GSDMA: variants seen among roughly 807,000 people sequenced by gnomAD.
GSDMA encodes the protein gasdermin A, also known as gasdermin-A.
In GSDMA, 55 loss-of-function variants were observed where a neutral mutation model predicts 54.3. The observed-to-expected ratio is 1.01, with a 90% CI of 0.82 to 1.27. The LOEUF (loss-of-function observed/expected upper bound fraction) is 1.27, where lower values mean the gene tolerates loss of function less well. GSDMA is among the 50% of genes most tolerant of loss of function. The probability of loss-of-function intolerance (pLI) is 0.00; values close to 1 mark genes in which losing one functional copy is unlikely to be tolerated. For synonymous variants in GSDMA, 211 were observed against 224.7 expected, an observed-to-expected ratio of 0.94 and a Z score of 0.54; for missense variants, 542 against 542.6, an observed-to-expected ratio of 1.00 and a Z score of 0.01.
At chr17:39,971,079 A>T (rs1979918021) in intron 4 of GSDMA, among the ~76,000 whole-genome samples, 1 of 152,248 alleles carries the variant, frequency 6.6e-6, no homozygotes, top group Admixed American at 6.5e-5. Context: ...TATCTATTGC[A>T]TCTAAATATT....
chr17:39,964,313 A>G (rs1015381802), intron 1 of GSDMA, among the ~76,000 whole-genome samples: 2 of 152,144 alleles, frequency 1.3e-5, no homozygotes, highest in African/African-American at 4.8e-5. Context: ...TCACACCTGT[A>G]ATCACAGTAC....
Position 39,972,134 on chromosome 17 carries a change from C to G in GSDMA, c.661C>G (p.Pro221Ala), listed in dbSNP as rs1330278282. ...CCCTCCCTTGCCCTTCACAGATATT[C>G]CACATATCTGCAATGATAACATGCA... ...MVKGKDEWDI[P>A]HICNDNMQTF... Residue 221 changes from proline (P) to alanine (A), a missense_variant, in exon 6 of 12, where the codon CCA (proline) becomes GCA (alanine). Pro to Ala is a conservative substitution (Grantham distance 27, BLOSUM62 -1). Transcript: ENST00000301659. The G allele has an allele frequency of 1.2e-5, 10 of 827,296 alleles. No individual in the cohort carries two copies. Among genetic ancestry groups the G allele is most frequent in the Non-Finnish European group, 1.6e-5 (9 of 549,662 alleles). 51.2% of individuals were successfully genotyped at this position (827,296 alleles called of 1,614,324 possible). A position where few individuals can be genotyped will look rare whatever the true frequency, so the allele number is the denominator to read the frequency against.
Position 39,972,155 on chromosome 17 carries a change from A to G in GSDMA, c.682A>G (p.Met228Val), listed in dbSNP as rs1439455833. 10 of 1,599,058 alleles carry G rather than the reference A, an allele frequency of 6.3e-6. No homozygotes were observed. The East Asian group carries it at 2.2e-4, about 36-fold the overall frequency. ...WDIPHICNDN[M>V]QTFPPGEKSG... ...TATTCCACATATCTGCAATGATAAC[A>G]TGCAAACCTTCCCTCCTGGAGGTAA... is the stretch of plus-strand genomic sequence containing the variant. Residue 228 changes from methionine (M) to valine (V), a missense_variant, in exon 6 of 12, where the codon ATG (methionine) becomes GTG (valine). Met to Val is a conservative substitution (Grantham distance 21, BLOSUM62 1). Coordinates refer to ENST00000301659, the MANE Select transcript of GSDMA (RefSeq NM_178171.5).
rs1979670764 is a variant in GSDMA, at chr17:39,966,432, G to C, written c.387G>C (p.Gln129His). ...SVAPKALETVQERKLAADHPF... is the reference protein window; with the variant it reads ...SVAPKALETVHERKLAADHPF... ...CTCCCAAGGCCCTGGAGACCGTGCA[G>C]GAGAGGTGAGAGTGGGCGGGACTGA... The change falls in exon 3 of 12, where the codon CAG becomes CAC. Residue 129 changes from glutamine (Q) to histidine (H), a missense_variant. Gln to His is a conservative substitution (Grantham distance 24, BLOSUM62 0). Coordinates refer to ENST00000301659, the MANE Select transcript of GSDMA (RefSeq NM_178171.5). The C allele has an allele frequency of 6.2e-7, 1 of 1,602,146 alleles. No individual in the cohort carries two copies. The highest frequency in any genetic ancestry group is 8.5e-7 in the Non-Finnish European group (1 of 1,175,352).
chr17:39,974,918 A>G lies in GSDMA; in HGVS notation c.925A>G (p.Lys309Glu). Residue 309 changes from lysine (K) to glutamate (E), a missense_variant, in exon 10 of 12, where the codon AAG becomes GAG. Lys to Glu is a moderately conservative substitution (Grantham distance 56). Coordinates refer to ENST00000301659, the MANE Select transcript of GSDMA (RefSeq NM_178171.5). ...CCCACAGCTTGAAGGGGCTCTAGACAAGGGACATGAAGTGACCCTGGAGGC... is the reference window on the plus strand; with the variant it reads ...CCCACAGCTTGAAGGGGCTCTAGACGAGGGACATGAAGTGACCCTGGAGGC... Reference protein sequence around the residue: ...LELALEGALDKGHEVTLEALP... With the variant: ...LELALEGALDEGHEVTLEALP... The G allele has an allele frequency of 6.2e-7, 1 of 1,608,488 alleles. No individual in the cohort carries two copies. Among genetic ancestry groups the G allele is most frequent in the Non-Finnish European group, 8.5e-7 (1 of 1,176,442 alleles).
At chr17:39,970,785 C>G in intron 4 of GSDMA, 138 bp downstream of exon 4, 1 of 590,394 alleles carries the variant, frequency 1.7e-6, no homozygotes, top group Non-Finnish European at 2.4e-6. Context: ...CTGAAAAGGG[C>G]CACTCCTTCC....
At position 39,974,295 on chromosome 17, in the gene GSDMA, G is replaced by C; in HGVS notation, c.774G>C (p.Arg258Ser). 6 of 1,611,526 alleles carry C rather than the reference G, an allele frequency of 3.7e-6. No individual in the cohort carries two copies. Among genetic ancestry groups the C allele is most frequent in the Non-Finnish European group, 5.1e-6 (6 of 1,178,962 alleles). ...SDVGDVHEGFRTLKEEVQRET... is the reference protein window; with the variant it reads ...SDVGDVHEGFSTLKEEVQRET... The stretch of plus-strand genomic sequence containing the variant: ...TAGGGGACGTACACGAAGGCTTCAG[G>C]ACACTAAAAGAAGAAGTTCAGAGAG... Residue 258 changes from arginine to serine, a missense_variant, in exon 9 of 12, where the codon AGG (arginine) becomes AGC (serine). By Grantham distance (110) the Arg-to-Ser change is moderately radical. Coordinates refer to ENST00000301659, the MANE Select transcript of GSDMA (RefSeq NM_178171.5).
In GSDMA at chr17:39,971,959, C is replaced by T. The variant is rs1304621127; in HGVS notation, c.656-170C>T. Among the ~76,000 whole-genome samples, 3 of 152,130 alleles carry T rather than the reference C, an allele frequency of 2.0e-5. No homozygotes were observed. The South Asian group carries it at 6.2e-4, about 32-fold the overall frequency. Reference sequence around the variant, plus strand: ...AGTGTTCTCATAGTAGAGAATTTATCAAGGAAGAAAAGATTGCTTCCAGCA... The same window carrying T: ...AGTGTTCTCATAGTAGAGAATTTATTAAGGAAGAAAAGATTGCTTCCAGCA... On this transcript the variant is annotated intron_variant, in intron 5 of 11. Coordinates refer to ENST00000301659, the MANE Select transcript of GSDMA (RefSeq NM_178171.5).
chr17:39,974,526 G>A lies in GSDMA; in HGVS notation c.906+99G>A, dbSNP rs969945527. On this transcript the variant is annotated intron_variant, in intron 9 of 11. Transcript: ENST00000301659. ...GCAGCAGGTAGGGAGATCTGACGGG[G>A]GCAGGAGGTGGGTGGCCAGGGGAGT... The A allele has an allele frequency of 1.3e-5, 17 of 1,341,356 alleles. No homozygotes were observed. In the African/African-American group the frequency reaches 2.2e-4, roughly 17 times the overall value. 83.1% of individuals were successfully genotyped at this position (1,341,356 alleles called of 1,614,324 possible).
chr17:39,966,571 T>G, intron 3 of GSDMA, 134 bp downstream of exon 3: 3 of 770,624 alleles, frequency 3.9e-6, no homozygotes, highest in Middle Eastern at 3.9e-4. Flanking sequence ...AGGGGAGCTC[T>G]TGGAGGCAAC....
At chr17:39,974,828 T>C (rs1980126740) in intron 9 of GSDMA, 72 bp from the exon 10 acceptor site, 3 of 798,990 alleles carry the variant, frequency 3.8e-6, no homozygotes, top group African/African-American at 1.7e-5. Context: ...TGTCAAGGGG[T>C]TATTATGTGC....
chr17:39,972,436 A>G, intron 6 of GSDMA, 151 bp from the exon 7 acceptor site: 1 of 750,184 alleles, frequency 1.3e-6, no homozygotes. Flanking sequence ...TTGGAGACTG[A>G]GTGTGTTCCC....
At chr17:39,975,593 A>G (rs1265273297) in intron 10 of GSDMA, among the ~76,000 whole-genome samples, 1 of 152,218 alleles carries the variant, frequency 6.6e-6, no homozygotes, top group Non-Finnish European at 1.5e-5. Context: ...AGCTAAGCTC[A>G]TCACTTCTAT....
intron 1 of GSDMA, 133 bp downstream of exon 1, chr17:39,963,218 G>C (rs1979492519): frequency 6.6e-6 from 1 of 152,334 alleles, no homozygotes; most frequent in Non-Finnish European, 1.5e-5. Context: ...GGAGGGAAGG[G>C]AGAGGCAGGC....
rs766865117 is a variant in GSDMA at position 39,974,237 on chromosome 17, G to A, written c.752-36G>A. 7.0e-5 allele frequency: 111 copies of A among 1,574,730 alleles called. 2 individuals carry two copies. Among genetic ancestry groups the A allele is most frequent in the Non-Finnish European group, 8.7e-5 (101 of 1,159,036 alleles). On this transcript the variant is annotated intron_variant, in intron 8 of 11. Transcript: ENST00000301659. The stretch of plus-strand genomic sequence containing the variant: ...ATGCTGACTGGAGAGGAAGGTGCCC[G>A]ATGGAGGGCTGTGTGTCCCATTATT...
intron 3 of GSDMA, among the ~76,000 whole-genome samples, chr17:39,967,965 A>G (rs1184740387): frequency 6.6e-6 from 1 of 151,872 alleles, no homozygotes; most frequent in Admixed American, 6.6e-5. Context: ...TCAAGCAATT[A>G]TCCAGCCTCA....
At chr17:39,972,500 A>T in intron 6 of GSDMA, 87 bp from the exon 7 acceptor site, 1 of 1,206,520 alleles carries the variant, frequency 8.3e-7, no homozygotes, top group Non-Finnish European at 1.2e-6. Flanking sequence ...TATAATGATC[A>T]CTGATGAAAC....
chr17:39,972,077 T>C, intron 5 of GSDMA, 52 bp from the exon 6 acceptor site: 2 of 1,261,674 alleles, frequency 1.6e-6, no homozygotes, highest in African/African-American at 1.5e-5. Flanking sequence ...AAGAAGGGAA[T>C]GTGGGGCAGC....
intron 9 of GSDMA, 133 bp from the exon 10 acceptor site, chr17:39,974,767 C>A: frequency 1.5e-6 from 1 of 669,948 alleles, no homozygotes; most frequent in South Asian, 1.7e-5. Context: ...CAGTACTCTT[C>A]AGGACATGAG....
Sources: allele counts gnomAD v4.1 joint callset (sites outside exome capture counted in the v4.1 genomes callset), GRCh38; gene constraint gnomAD v4.1.1; transcripts MANE v1.5; gene names NCBI Gene and HGNC (gene_info 2026-07-23, HGNC 2026-07-21).